The following SPON1 variants were observed in gnomAD, a reference collection of about 807,000 sequenced individuals.
SPON1 encodes the protein spondin 1, also known as spondin-1.
SPON1 carries 52 observed loss-of-function variants against 111.7 expected under a neutral mutation model. The ratio of observed to expected loss-of-function variants is 0.47; its 90% confidence interval spans 0.37 to 0.59. The LOEUF is 0.59. SPON1 is among the 20% of genes least tolerant of loss of function. SPON1 has a pLI of 0.00. For missense variants in SPON1, 957 were observed against 1,068.5 expected, an observed-to-expected ratio of 0.90 and a Z score of 1.46; for synonymous variants, 410 against 395.8, an observed-to-expected ratio of 1.04 and a Z score of -0.43.
intron 7 of SPON1, among the ~76,000 whole-genome samples, chr11:14,246,695 G>A (rs1848994200): frequency 6.6e-6 from 1 of 152,118 alleles, no homozygotes; most frequent in Non-Finnish European, 1.5e-5. Context: ...AAAAAGTCCT[G>A]TGAAAGGTGC....
intron 6 of SPON1, among the ~76,000 whole-genome samples, chr11:14,206,841 A>G (rs1480762930): frequency 2.0e-5 from 3 of 152,206 alleles, no homozygotes; most frequent in African/African-American, 7.2e-5. Flanking sequence ...TGCAATTCCT[A>G]TTAAACTACC....
intron 3 of SPON1, among the ~76,000 whole-genome samples, chr11:14,048,135 A>G (rs1302742406): frequency 6.6e-6 from 1 of 152,192 alleles, no homozygotes; most frequent in Non-Finnish European, 1.5e-5. Flanking sequence ...GCTACTTGGG[A>G]GGCTGAGGTA....
intron 5 of SPON1, among the ~76,000 whole-genome samples, chr11:14,091,504 T>A (rs1371718385): frequency 6.6e-6 from 1 of 151,340 alleles, no homozygotes; most frequent in African/African-American, 2.4e-5. Flanking sequence ...GGTGAGAAAT[T>A]GAGCGCAGCA....
At chr11:14,166,681 A>G (rs1368736720) in intron 6 of SPON1, among the ~76,000 whole-genome samples, 1 of 152,202 alleles carries the variant, frequency 6.6e-6, no homozygotes, top group Non-Finnish European at 1.5e-5. Context: ...GGCATAAAAC[A>G]ATTTTATATA....
intron 6 of SPON1, among the ~76,000 whole-genome samples, chr11:14,207,756 G>A (rs1296818600): frequency 6.6e-6 from 1 of 152,202 alleles, no homozygotes; most frequent in Non-Finnish European, 1.5e-5. Context: ...CTATTGGTGG[G>A]AGTGTAAATT....
chr11:14,180,019 C>CT (rs1848220590), intron 6 of SPON1, among the ~76,000 whole-genome samples: 1 of 152,180 alleles, frequency 6.6e-6, no homozygotes, highest in Admixed American at 6.5e-5. Context: ...GCAGAAGACT[C>CT]TTTACAGATC....
At chr11:14,063,410 T>C (rs1336865006) in intron 3 of SPON1, among the ~76,000 whole-genome samples, 1 of 152,132 alleles carries the variant, frequency 6.6e-6, no homozygotes, top group Non-Finnish European at 1.5e-5. Context: ...TTCCCTCCCT[T>C]CCTCCCTTCC....
intron 6 of SPON1, among the ~76,000 whole-genome samples, chr11:14,193,338 C>T (rs868984752): frequency 6.6e-6 from 1 of 152,260 alleles, no homozygotes; most frequent in Admixed American, 6.5e-5. Flanking sequence ...AAGCCTCACT[C>T]GCACTGCCAC....
chr11:14,210,427 C>T (rs1848563934), intron 6 of SPON1, among the ~76,000 whole-genome samples: 1 of 148,948 alleles, frequency 6.7e-6, no homozygotes. Flanking sequence ...CGAAGTCTCA[C>T]TCTGTTGCCC....
At chr11:14,042,284 T>G (rs955762801) in intron 3 of SPON1, among the ~76,000 whole-genome samples, 6 of 152,238 alleles carry the variant, frequency 3.9e-5, no homozygotes, top group African/African-American at 1.4e-4. Flanking sequence ...TGGAAATAGA[T>G]GGGCAGGAAA....
intron 6 of SPON1, among the ~76,000 whole-genome samples, chr11:14,229,557 T>C (rs537977848): frequency 2.0e-5 from 3 of 152,180 alleles, no homozygotes; most frequent in Non-Finnish European, 4.4e-5. Flanking sequence ...CACCTGGCCC[T>C]GACTGATACC....
At position 14,201,250 on chromosome 11, in the gene SPON1, G is replaced by A. The variant is rs1198772736; in HGVS notation, c.826-42082G>A. ...AGCTACTTGGGAGGCTGAGGCAGGA[G>A]AATGGCGTGAACCCAGGAGGCAGAG... On this transcript the variant is annotated intron_variant, in intron 6 of 15. Transcript: ENST00000576479. Among the ~76,000 whole-genome samples the A allele has an allele frequency of 2.6e-5, 4 of 152,060 alleles. No individual in the cohort carries two copies. In the East Asian group the frequency reaches 5.8e-4, roughly 22 times the overall value.
At chr11:14,000,384 G>A (rs1272699661) in intron 2 of SPON1, among the ~76,000 whole-genome samples, 1 of 151,944 alleles carries the variant, frequency 6.6e-6, no homozygotes, top group African/African-American at 2.4e-5. Context: ...TTATTCATCT[G>A]ACTTATCAGC....
chr11:14,202,485 G>A (rs1335776464), intron 6 of SPON1, among the ~76,000 whole-genome samples: 2 of 152,300 alleles, frequency 1.3e-5, no homozygotes, highest in African/African-American at 2.4e-5. Context: ...CAGTGGGGAA[G>A]GGAGGAGGAC....
At chr11:14,123,994 CAG>C (rs1847426431) in intron 5 of SPON1, among the ~76,000 whole-genome samples, 1 of 152,204 alleles carries the variant, frequency 6.6e-6, no homozygotes, top group African/African-American at 2.4e-5. Flanking sequence ...CTTACTTAAT[CAG>C]AGTCAGAAGC....
intron 6 of SPON1, among the ~76,000 whole-genome samples, chr11:14,237,908 T>C (rs1361325992): frequency 6.6e-6 from 1 of 152,198 alleles, no homozygotes; most frequent in African/African-American, 2.4e-5. Context: ...GGCCACAGTG[T>C]GCACTTTCAG....
At chr11:14,064,289 A>G (rs1264921114) in intron 3 of SPON1, among the ~76,000 whole-genome samples, 1 of 152,240 alleles carries the variant, frequency 6.6e-6, no homozygotes, top group Non-Finnish European at 1.5e-5. Context: ...AAGAGTACCC[A>G]ATGCCTGAAT....
chr11:14,230,019 G>C (rs183896234), intron 6 of SPON1, among the ~76,000 whole-genome samples: 1 of 151,228 alleles, frequency 6.6e-6, no homozygotes, highest in Non-Finnish European at 1.5e-5. Context: ...ACACCCTTTA[G>C]TGTCTGCCAC....
At chr11:13,970,450 C>T (rs1848053906) in intron 1 of SPON1, among the ~76,000 whole-genome samples, 1 of 152,188 alleles carries the variant, frequency 6.6e-6, no homozygotes, top group Non-Finnish European at 1.5e-5. Flanking sequence ...GCCAATATGT[C>T]TCATGGACTG....
Sources: gnomAD v4.1 joint callset for allele counts (sites outside exome capture counted in the v4.1 genomes callset) on GRCh38, gnomAD v4.1.1 for gene constraint, MANE v1.5 for transcripts, NCBI Gene and HGNC (gene_info 2026-07-23, HGNC 2026-07-21) for gene names.